The following UBE2T variants were observed in gnomAD, a reference collection of about 807,000 sequenced individuals.
UBE2T encodes ubiquitin-conjugating enzyme E2 T.
In UBE2T, 15 loss-of-function variants were observed where a neutral mutation model predicts 23.3. That is an observed-to-expected ratio of 0.64 (90% CI 0.43 to 0.99). The LOEUF (loss-of-function observed/expected upper bound fraction) is 0.99. UBE2T is among the 50% of genes least tolerant of loss of function. The pLI, the probability that UBE2T is intolerant of heterozygous loss-of-function variation, is 0.00. For missense variants in UBE2T, 197 were observed against 234.9 expected, an observed-to-expected ratio of 0.84 and a Z score of 1.05; for synonymous variants, 67 against 78.4, an observed-to-expected ratio of 0.85 and a Z score of 0.77.
At chr1:202,341,305 G>A (rs1032634099) in intron 1 of UBE2T, among the ~76,000 whole-genome samples, 3 of 152,026 alleles carry the variant, frequency 2.0e-5, no homozygotes, top group Admixed American at 1.3e-4. Context: ...CAGGCCGGGC[G>A]CGGTGGCTCA....
rs1473110636 is a variant in UBE2T, at chr1:202,333,349, G to T, written c.286-14C>A. On this transcript the variant is annotated splice_polypyrimidine_tract_variant and intron_variant, in intron 4 of 6. Coordinates refer to ENST00000646651, the MANE Select transcript of UBE2T (RefSeq NM_014176.4). ...TCTCCAAGCACCCTATATACAAACA[G>T]ATGAACAGTTGCTTTTATATTAGAA... 1 of 1,614,038 alleles carries T rather than the reference G, an allele frequency of 6.2e-7. No homozygotes were observed.
At chr1:202,332,071 T>G (rs1654764613) in intron 6 of UBE2T, 111 bp from the exon 7 acceptor site, 19 of 1,358,788 alleles carry the variant, frequency 1.4e-5, no homozygotes. Flanking sequence ...AAGATTTAAA[T>G]ACAGTATTAT....
chr1:202,332,087 C>T (rs1292020007), intron 6 of UBE2T, 127 bp from the exon 7 acceptor site: 19 of 1,167,118 alleles, frequency 1.6e-5, no homozygotes, highest in East Asian at 7.6e-5. Context: ...ATTATGCATA[C>T]GATATTCTCT....
rs1283283481 is a variant in UBE2T at position 202,335,001 on chromosome 1, A to T, written c.167T>A (p.Ile56Asn). 5 of 1,612,600 alleles carry T rather than the reference A, an allele frequency of 3.1e-6. No individual in the cohort carries two copies. The highest frequency in any genetic ancestry group is 4.2e-6 in the Non-Finnish European group (5 of 1,179,304). The change falls in exon 3 of 7, where the codon ATC becomes AAC. Residue 56 changes from isoleucine to asparagine, a missense_variant. Ile to Asn is a moderately radical substitution (Grantham distance 149). Transcript: ENST00000646651. The surrounding 1 kb of genome is among the most constrained non-coding windows in gnomAD (Gnocchi z 4.0). ...YEKGVFKLEV[I>N]IPERYPFEPP... ...GATTCATACTAACCTCTCAGGAATG[A>T]TAACTTCTAGCTTAAAAACACCTTT...
chr1:202,332,139 C>A (rs1218863039), intron 6 of UBE2T, among the ~76,000 whole-genome samples, 179 bp from the exon 7 acceptor site: 2 of 151,970 alleles, frequency 1.3e-5, no homozygotes, highest in African/African-American at 2.4e-5. Context: ...ATTTTTATTT[C>A]TTTTTACAAG....
chr1:202,340,427 T>C (rs1353660854), intron 1 of UBE2T, among the ~76,000 whole-genome samples: 5 of 142,030 alleles, frequency 3.5e-5, no homozygotes, highest in Non-Finnish European at 7.7e-5. Flanking sequence ...GGCAGGAGAA[T>C]GGCTTCAACC....
intron 3 of UBE2T, among the ~76,000 whole-genome samples, chr1:202,334,114 C>G (rs1393467578): frequency 6.6e-6 from 1 of 152,144 alleles, no homozygotes; most frequent in Non-Finnish European, 1.5e-5. Flanking sequence ...CAGGATCTGA[C>G]CTAGTGATTA....
chr1:202,332,680 G>A (rs1047641768), intron 6 of UBE2T, among the ~76,000 whole-genome samples: 28 of 151,500 alleles, frequency 1.8e-4, no homozygotes, highest in African/African-American at 6.0e-4. Flanking sequence ...AGGCCGAGGC[G>A]GGCGGATCAC....
At chr1:202,340,865 A>T (rs1353450029) in intron 1 of UBE2T, among the ~76,000 whole-genome samples, 2 of 152,244 alleles carry the variant, frequency 1.3e-5, no homozygotes, top group East Asian at 3.8e-4. Context: ...GGCATATGCC[A>T]TTCTTTGGCT....
rs780303487 is a variant in UBE2T at position 202,333,449 on chromosome 1, C to A, written c.285+1G>T. ...GAGTCAACCATTTACCCACAACTCA[C>A]TTTTGGTGGCAATTTGAGAACATCC... is the stretch of plus-strand genomic sequence containing the variant. On this transcript the variant is annotated splice_donor_variant, in intron 4 of 6. Transcript: ENST00000646651. LOFTEE classifies it high-confidence loss of function. The A allele has an allele frequency of 6.2e-7, 1 of 1,614,048 alleles. No individual in the cohort carries two copies. Among genetic ancestry groups the A allele is most frequent in the Admixed American group, 1.7e-5 (1 of 60,012 alleles).
chr1:202,338,160 T>A (rs1208571948), intron 1 of UBE2T, among the ~76,000 whole-genome samples: 4 of 152,214 alleles, frequency 2.6e-5, no homozygotes, highest in African/African-American at 2.4e-5. Flanking sequence ...ATATTTTTGC[T>A]ATCTTTTCAA....
intron 6 of UBE2T, 81 bp downstream of exon 6, chr1:202,332,929 A>C (rs1030059629): frequency 1.5e-3 from 701 of 458,982 alleles, no homozygotes; most frequent in Non-Finnish European, 1.6e-3. Context: ...AAAAAAAAAA[A>C]AAAAAAAAAA....
chr1:202,338,445 C>T (rs1039779770), intron 1 of UBE2T, among the ~76,000 whole-genome samples: 17 of 151,974 alleles, frequency 1.1e-4, no homozygotes, highest in African/African-American at 4.1e-4. Context: ...GGTCTCGAAC[C>T]ACGGACCTCA....
Position 202,335,125 on chromosome 1 carries a change from C to T in UBE2T, c.110-67G>A, listed in dbSNP as rs1467028569. On this transcript the variant is annotated intron_variant, in intron 2 of 6. Coordinates refer to ENST00000646651, the MANE Select transcript of UBE2T (RefSeq NM_014176.4). This position sits in a 1 kb window ranked among gnomAD's most constrained non-coding sequence, Gnocchi z 4.0. ...TCATTTGAATTACTACCATATGGAG[C>T]TAATGAGGTCTATGGTCCTAATAGA... 13 of 1,319,836 alleles carry T rather than the reference C, an allele frequency of 9.8e-6. 2 individuals carry two copies. The South Asian group carries it at 1.3e-4, about 13-fold the overall frequency. The allele number at this position is 1,319,836 out of a possible 1,614,324, so 81.8% of individuals were successfully genotyped here. A position where few individuals can be genotyped will look rare whatever the true frequency, so the allele number is the denominator to read the frequency against.
intron 3 of UBE2T, among the ~76,000 whole-genome samples, chr1:202,334,259 G>A (rs1654833801): frequency 6.6e-6 from 1 of 152,150 alleles, no homozygotes; most frequent in Admixed American, 6.6e-5. Context: ...AAAAGAACGA[G>A]ATCATGGTCT....
chr1:202,337,912 A>G (rs1654921284), intron 1 of UBE2T, among the ~76,000 whole-genome samples: 1 of 152,152 alleles, frequency 6.6e-6, no homozygotes, highest in Admixed American at 6.5e-5. Context: ...GTCCATAAAT[A>G]TATACATAAA....
Position 202,335,072 on chromosome 1 carries a change from A to G in UBE2T, c.110-14T>C. 2 of 1,596,088 alleles carry G rather than the reference A, an allele frequency of 1.3e-6. No homozygotes were observed. The highest frequency in any genetic ancestry group is 8.6e-7 in the Non-Finnish European group (1 of 1,168,846). ...CACCTAATATTTCTTAAAAGAAAAAAGAAAGAAAAAGTTAAAAGGGAATCA... is the reference window on the plus strand; with the variant it reads ...CACCTAATATTTCTTAAAAGAAAAAGGAAAGAAAAAGTTAAAAGGGAATCA... On this transcript the variant is annotated splice_polypyrimidine_tract_variant and intron_variant, in intron 2 of 6. Coordinates refer to ENST00000646651, the MANE Select transcript of UBE2T (RefSeq NM_014176.4). This position sits in a 1 kb window ranked among gnomAD's most constrained non-coding sequence, Gnocchi z 4.0.
chr1:202,341,577 CAAAAAAAAAAAAAA>C (rs57598991), intron 1 of UBE2T, among the ~76,000 whole-genome samples: 1 of 20,302 alleles, frequency 4.9e-5, no homozygotes, highest in Non-Finnish European at 7.7e-5. Context: ...GACTCCGTCT[CAAAAAAAAAAAAAA>C]AAAAAAAAAA....
chr1:202,333,230 TA>T lies in UBE2T; in HGVS notation c.384+6del, dbSNP rs747022602. On this transcript the variant is annotated splice_donor_region_variant and intron_variant, in intron 5 of 6. Transcript: ENST00000646651. ...TATGTGTTGCAGAGGAAAATGGGGA[TA>T]TTTACTATGTCAGCCATGAGCGGGT... 53 of 1,614,116 alleles carry T rather than the reference TA, an allele frequency of 3.3e-5. 1 individual carries two copies. The Admixed American group carries it at 7.5e-4, about 23-fold the overall frequency.
Sources: gnomAD v4.1 joint callset for allele counts (sites outside exome capture counted in the v4.1 genomes callset) on GRCh38, gnomAD v4.1.1 for gene constraint, Gnocchi (gnomAD v3.1) non-coding constraint, MANE v1.5 for transcripts, NCBI Gene and HGNC (gene_info 2026-07-23, HGNC 2026-07-21) for gene names.